The following CCNE1 variants were observed in gnomAD, a reference collection of about 807,000 sequenced individuals.
The protein encoded by CCNE1 is cyclin E1.
CCNE1 carries 8 observed loss-of-function variants against 54.1 expected under a neutral mutation model. That is an observed-to-expected ratio of 0.15 (90% CI 0.09 to 0.27). CCNE1 has a LOEUF of 0.27. CCNE1 is among the 10% of genes least tolerant of loss of function. The pLI, the probability that CCNE1 is intolerant of heterozygous loss-of-function variation, is 1.00. For missense variants in CCNE1, 430 were observed against 514.9 expected (o/e 0.84, Z 1.60); for synonymous variants, 179 against 185.2 (o/e 0.97, Z 0.27).
At position 29,822,126 on chromosome 19, in the gene CCNE1, C is replaced by T. The variant is rs550305011; in HGVS notation, c.836C>T (p.Ala279Val). 3.1e-6 allele frequency: 5 copies of T among 1,613,282 alleles called. No individual in the cohort carries two copies. The East Asian group carries it at 6.7e-5, about 22-fold the overall frequency. ...QYPQQIFIQI[A>V]ELLDLCVLDV... ...CCCCAGCAAATCTTTATACAGATTG[C>T]AGAGGTAAGTGGCTCCATCACGTCC... is the stretch of plus-strand genomic sequence containing the variant. The change falls in exon 9 of 12, where the codon GCA becomes GTA. Residue 279 changes from alanine to valine, a missense_variant. Transcript: ENST00000262643.
In CCNE1 at chr19:29,823,884, AGTGTT is replaced by A; in HGVS notation, c.*108_*112del. 6.6e-6 allele frequency: 8 copies of A among 1,213,730 alleles called. No homozygotes were observed. The highest frequency in any genetic ancestry group is 9.0e-6 in the Non-Finnish European group (8 of 889,404). 75.2% of individuals were successfully genotyped at this position (1,213,730 alleles called of 1,614,324 possible). A position where few individuals can be genotyped will look rare whatever the true frequency, so the allele number is the denominator to read the frequency against. ...GCTTTTACAGATATCTGAATGGAAG[AGTGTT>A]TCTTCCACAACAGAAGTATTTCTGT... On this transcript the variant is annotated 3_prime_UTR_variant, in exon 12 of 12. Coordinates refer to ENST00000262643, the MANE Select transcript of CCNE1 (RefSeq NM_001238.4).
At chr19:29,815,282 A>G (rs1299937485) in intron 4 of CCNE1, among the ~76,000 whole-genome samples, 1 of 152,228 alleles carries the variant, frequency 6.6e-6, no homozygotes, top group African/African-American at 2.4e-5. Flanking sequence ...ATGAAGAACA[A>G]CTTACAGCGG....
At chr19:29,818,763 CT>C (rs34147702) in intron 6 of CCNE1, among the ~76,000 whole-genome samples, 38,295 of 140,102 alleles carry the variant, frequency 0.27, 5,121 homozygotes, top group South Asian at 0.4. Context: ...GACCCCATGT[CT>C]TTTTTTTTTT....
intron 6 of CCNE1, among the ~76,000 whole-genome samples, chr19:29,819,447 C>T (rs887284652): frequency 6.6e-6 from 1 of 151,858 alleles, no homozygotes; most frequent in Non-Finnish European, 1.5e-5. Flanking sequence ...TACTCCCTGC[C>T]GATTTTTTAT....
chr19:29,815,645 G>GGA (rs1973997323), intron 4 of CCNE1, among the ~76,000 whole-genome samples: 7 of 141,436 alleles, frequency 4.9e-5, no homozygotes, highest in African/African-American at 1.9e-4. Context: ...TTTTTTGGGG[G>GGA]GGGGACAGAG....
At chr19:29,819,062 C>T (rs1401331609) in intron 6 of CCNE1, among the ~76,000 whole-genome samples, 6 of 151,806 alleles carry the variant, frequency 4.0e-5, no homozygotes, top group African/African-American at 1.4e-4. Flanking sequence ...TGCGCCTGGC[C>T]CTTGAGACCC....
At chr19:29,815,395 T>C (rs1422057265) in intron 4 of CCNE1, among the ~76,000 whole-genome samples, 1 of 152,188 alleles carries the variant, frequency 6.6e-6, no homozygotes, top group Admixed American at 6.5e-5. Flanking sequence ...GGAGCTGTCA[T>C]GGATAATTTG....
chr19:29,813,289 C>G, intron 4 of CCNE1: 1 of 530,296 alleles, frequency 1.9e-6, no homozygotes, highest in South Asian at 2.2e-5. Flanking sequence ...CCTGGAAGAA[C>G]CAGAATGGAC....
intron 6 of CCNE1, among the ~76,000 whole-genome samples, chr19:29,818,135 T>G (rs1974070506): frequency 6.6e-6 from 1 of 151,090 alleles, no homozygotes; most frequent in African/African-American, 2.4e-5. Flanking sequence ...CATGCCATTC[T>G]CCTGCCTCAG....
chr19:29,818,810 T>TG (rs1974086140), intron 6 of CCNE1, among the ~76,000 whole-genome samples: 1 of 151,498 alleles, frequency 6.6e-6, no homozygotes, highest in African/African-American at 2.4e-5. Flanking sequence ...TTGCCCAGGC[T>TG]GGCATGCAAT....
chr19:29,814,408 T>A (rs930423362), intron 4 of CCNE1, among the ~76,000 whole-genome samples: 2 of 152,174 alleles, frequency 1.3e-5, no homozygotes, highest in African/African-American at 4.8e-5. Context: ...GTGACGAGGG[T>A]GCCTCCTGGG....
chr19:29,816,168 A>AAAAG (rs1974012726), intron 4 of CCNE1, among the ~76,000 whole-genome samples: 1 of 151,822 alleles, frequency 6.6e-6, no homozygotes, highest in Non-Finnish European at 1.5e-5. Flanking sequence ...AAAAAAAAAA[A>AAAAG]AAAAAGCCAA....
At chr19:29,812,849 G>C (rs1173082464) in intron 3 of CCNE1, 73 bp downstream of exon 3, 2 of 1,582,914 alleles carry the variant, frequency 1.3e-6, no homozygotes, top group South Asian at 1.1e-5. Context: ...CTCTGCCTAC[G>C]GGGGCGGGGG....
Position 29,821,850 on chromosome 19 carries a change from A to G in CCNE1, c.705+33A>G, listed in dbSNP as rs148359940. Reference sequence around the variant, plus strand: ...CCAGTGAATTTTCCGGCCATTTTTTAAATGCGTACGGCAGATCTTTTCCAC... The same window carrying G: ...CCAGTGAATTTTCCGGCCATTTTTTGAATGCGTACGGCAGATCTTTTCCAC... On this transcript the variant is annotated intron_variant, in intron 8 of 11. Coordinates refer to ENST00000262643, the MANE Select transcript of CCNE1 (RefSeq NM_001238.4). The G allele has an allele frequency of 1.4e-4, 210 of 1,544,746 alleles. No individual in the cohort carries two copies. In the East Asian group the frequency reaches 3.9e-3, roughly 28 times the overall value.
rs558562399 is a variant in CCNE1 at position 29,817,120 on chromosome 19, G to A, written c.181-17G>A. On this transcript the variant is annotated splice_polypyrimidine_tract_variant and intron_variant, in intron 4 of 11. Transcript: ENST00000262643. ...TTGCATCTTATCTCACCTCTCCTGT[G>A]TATTTTTCATTTACAGCCTTGGGAC... is the stretch of plus-strand genomic sequence containing the variant. 3.6e-5 allele frequency: 58 copies of A among 1,613,050 alleles called. No homozygotes were observed. In the South Asian group the frequency reaches 5.5e-4, roughly 15 times the overall value.
Position 29,820,777 on chromosome 19 carries a change from C to A in CCNE1, c.538C>A (p.Gln180Lys). 1 of 1,608,708 alleles carries A rather than the reference C, an allele frequency of 6.2e-7. No homozygotes were observed. The highest frequency in any genetic ancestry group is 8.5e-7 in the Non-Finnish European group (1 of 1,175,976). ...TTTCTTTGACCGGTATATGGCGACA[C>A]AAGAAAATGTTGTAAAAACTCTTTT... ...QDFFDRYMAT[Q>K]ENVVKTLLQL... The change falls in exon 7 of 12, where the codon CAA (glutamine) becomes AAA (lysine). Residue 180 changes from glutamine (Q) to lysine (K), a missense_variant. Gln to Lys is a moderately conservative substitution (Grantham distance 53). Around this residue, in one of 2 missense-constraint regions of CCNE1, gnomAD observed 303 missense variants for 401.1 expected, o/e 0.76. Coordinates refer to ENST00000262643, the MANE Select transcript of CCNE1 (RefSeq NM_001238.4).
intron 6 of CCNE1, among the ~76,000 whole-genome samples, chr19:29,820,013 C>T (rs1974112421): frequency 6.6e-6 from 1 of 152,246 alleles, no homozygotes; most frequent in Admixed American, 6.5e-5. Flanking sequence ...CACGGCTTCT[C>T]TTTGGCATTT....
chr19:29,817,116 C>A, intron 4 of CCNE1, 21 bp from the exon 5 acceptor site: 1 of 1,612,360 alleles, frequency 6.2e-7, no homozygotes, highest in Non-Finnish European at 8.5e-7. Context: ...CTCACCTCTC[C>A]TGTGTATTTT....
chr19:29,823,911 C>G lies in CCNE1; in HGVS notation c.*134C>G. 2 of 1,022,654 alleles carry G rather than the reference C, an allele frequency of 2.0e-6. No homozygotes were observed. Among genetic ancestry groups the G allele is most frequent in the Non-Finnish European group, 2.8e-6 (2 of 725,112 alleles). The allele number at this position is 1,022,654 out of a possible 1,614,324, so 63.3% of individuals were successfully genotyped here. ...TGTTTCTTCCACAACAGAAGTATTT[C>G]TGTGGATGGCATCAAACAGGGCAAA... is the stretch of plus-strand genomic sequence containing the variant. On this transcript the variant is annotated 3_prime_UTR_variant, in exon 12 of 12. Transcript: ENST00000262643.
Sources: allele counts gnomAD v4.1 joint callset (sites outside exome capture counted in the v4.1 genomes callset), GRCh38; gene constraint gnomAD v4.1.1; regional missense constraint gnomAD v4.1.1; transcripts MANE v1.5; gene names NCBI Gene and HGNC (gene_info 2026-07-23, HGNC 2026-07-21).